ARHGAP6: variants seen among roughly 807,000 people sequenced by gnomAD.
ARHGAP6 encodes Rho GTPase activating protein 6.
In ARHGAP6, 16 loss-of-function variants were observed where a neutral mutation model predicts 55.7. The ratio of observed to expected loss-of-function variants is 0.29; its 90% confidence interval spans 0.19 to 0.44. The LOEUF (loss-of-function observed/expected upper bound fraction) is 0.44. ARHGAP6 is among the 20% of genes least tolerant of loss of function. The probability of loss-of-function intolerance (pLI) is 1.00; values close to 1 mark genes in which losing one functional copy is unlikely to be tolerated. For synonymous variants in ARHGAP6, 382 were observed against 360.9 expected, an observed-to-expected ratio of 1.06 and a Z score of -0.66; for missense variants, 698 against 808.9, an observed-to-expected ratio of 0.86 and a Z score of 1.66.
At chrX:11,360,738 G>C (rs893205163) in intron 1 of ARHGAP6, among the ~76,000 whole-genome samples, 188 of 111,140 alleles carry the variant, frequency 1.7e-3, no homozygotes, top group Non-Finnish European at 3.0e-3. Context: ...CAGACGACAC[G>C]ATTGTATATC....
At chrX:11,203,475 A>T (rs1240514507) in intron 2 of ARHGAP6, among the ~76,000 whole-genome samples, 1 of 111,767 alleles carries the variant, frequency 8.9e-6, no homozygotes, top group Non-Finnish European at 1.9e-5. Context: ...CACATTCTCC[A>T]GCCACTTCCA....
At chrX:11,299,060 C>G (rs891140193) in intron 1 of ARHGAP6, 10 of 1,053,033 alleles carry the variant, frequency 9.5e-6, no homozygotes, top group Non-Finnish European at 1.2e-5. Context: ...TCTCCGACAA[C>G]CAAGGATCTA....
chrX:11,582,537 A>G (rs1601668374), intron 1 of ARHGAP6, among the ~76,000 whole-genome samples: 1 of 112,054 alleles, frequency 8.9e-6, no homozygotes, highest in South Asian at 3.7e-4. Flanking sequence ...ATTTTCAGAA[A>G]TTCCTTGAAT....
chrX:11,448,916 C>T (rs770811969), intron 1 of ARHGAP6, among the ~76,000 whole-genome samples: 3 of 111,781 alleles, frequency 2.7e-5, no homozygotes, highest in Admixed American at 9.5e-5. Flanking sequence ...AAATGTCTCA[C>T]CTTCATCCAA....
chrX:11,360,457 C>A (rs2048994711), intron 1 of ARHGAP6, among the ~76,000 whole-genome samples: 1 of 109,315 alleles, frequency 9.1e-6, no homozygotes, highest in Non-Finnish European at 1.9e-5. Context: ...AATTCAACAA[C>A]CCCTCATGCC....
intron 1 of ARHGAP6, among the ~76,000 whole-genome samples, chrX:11,596,854 C>T (rs927032912): frequency 8.9e-6 from 1 of 111,910 alleles, no homozygotes; most frequent in African/African-American, 3.3e-5. Flanking sequence ...CTTCTTTCCC[C>T]ACCTGACCCA....
chrX:11,553,191 A>T (rs1400953915), intron 1 of ARHGAP6, among the ~76,000 whole-genome samples: 3 of 111,522 alleles, frequency 2.7e-5, no homozygotes, highest in Non-Finnish European at 5.6e-5. Context: ...ATCAGGCTTA[A>T]ATGTGTAGAA....
At chrX:11,415,622 C>T (rs2049737781) in intron 1 of ARHGAP6, among the ~76,000 whole-genome samples, 1 of 112,195 alleles carries the variant, frequency 8.9e-6, no homozygotes. Flanking sequence ...CATTTCCCCA[C>T]ACACTGAAGT....
chrX:11,661,159 C>G (rs1434479286), intron 1 of ARHGAP6, among the ~76,000 whole-genome samples: 2 of 112,626 alleles, frequency 1.8e-5, no homozygotes, highest in Non-Finnish European at 3.7e-5. Context: ...CAGCTCTGAT[C>G]CACAAGAATT....
At chrX:11,347,757 T>A (rs1393587690) in intron 1 of ARHGAP6, among the ~76,000 whole-genome samples, 1 of 111,921 alleles carries the variant, frequency 8.9e-6, no homozygotes, top group Non-Finnish European at 1.9e-5. Flanking sequence ...TAAGAGAACA[T>A]GTCCTTCCAC....
At chrX:11,356,120 G>T (rs1257721889) in intron 1 of ARHGAP6, among the ~76,000 whole-genome samples, 2 of 110,833 alleles carry the variant, frequency 1.8e-5, no homozygotes, top group African/African-American at 6.6e-5. Flanking sequence ...TTTGCTCCAG[G>T]GAGTTCAGGC....
At chrX:11,521,566 T>C (rs747552383) in intron 1 of ARHGAP6, among the ~76,000 whole-genome samples, 1 of 112,167 alleles carries the variant, frequency 8.9e-6, no homozygotes, top group South Asian at 3.7e-4. Flanking sequence ...TGTAGCCTTA[T>C]AGTGTAGTTT....
chrX:11,465,916 C>T (rs1004467324), intron 1 of ARHGAP6, among the ~76,000 whole-genome samples: 8 of 110,760 alleles, frequency 7.2e-5, no homozygotes, highest in Admixed American at 1.9e-4. Flanking sequence ...CTCATGCAGA[C>T]GAGTATGTCT....
At chrX:11,353,915 A>G (rs2048893717) in intron 1 of ARHGAP6, among the ~76,000 whole-genome samples, 1 of 111,180 alleles carries the variant, frequency 9.0e-6, no homozygotes, top group African/African-American at 3.3e-5. Context: ...TGACTACATC[A>G]GGCAAACTTT....
chrX:11,266,098 TGAGA>T (rs768420445), intron 1 of ARHGAP6: 1 of 207,439 alleles, frequency 4.8e-6, no homozygotes, highest in Non-Finnish European at 6.2e-6. Flanking sequence ...AGAGAGAGGG[TGAGA>T]GAGAGAGAGA....
intron 2 of ARHGAP6, among the ~76,000 whole-genome samples, chrX:11,212,448 T>C (rs945162560): frequency 1.8e-5 from 2 of 112,403 alleles, no homozygotes; most frequent in Non-Finnish European, 3.8e-5. Context: ...CTTTCAGAGA[T>C]TTTGTGAGGC....
At chrX:11,180,270 A>G (rs1321150836) in intron 6 of ARHGAP6, among the ~76,000 whole-genome samples, 2 of 111,337 alleles carry the variant, frequency 1.8e-5, no homozygotes, top group Non-Finnish European at 1.9e-5. Context: ...TTTCGTATGC[A>G]TTGTTCTCTG....
intron 1 of ARHGAP6, among the ~76,000 whole-genome samples, chrX:11,435,723 G>A (rs766561032): frequency 8.9e-6 from 1 of 112,083 alleles, no homozygotes; most frequent in Admixed American, 9.5e-5. Context: ...GACAAAGTCA[G>A]AAGCCATCCT....
At position 11,300,942 on chromosome X, in the gene ARHGAP6, T is replaced by G. The variant is rs767687974; in HGVS notation, c.589-46235A>C. On this transcript the variant is annotated intron_variant, in intron 1 of 12. Coordinates refer to ENST00000337414, the MANE Select transcript of ARHGAP6 (RefSeq NM_013427.3). ...ATTTAAATTATACTGTCTCAAATCT[T>G]TTTTAAAAAACAAAGTTTATACATC... Among the ~76,000 whole-genome samples, 47 of 112,103 alleles carry G rather than the reference T, an allele frequency of 4.2e-4. No homozygotes were observed. The South Asian group carries it at 4.4e-3, about 11-fold the overall frequency.
Sources: allele counts gnomAD v4.1 joint callset (sites outside exome capture counted in the v4.1 genomes callset), GRCh38; gene constraint gnomAD v4.1.1; transcripts MANE v1.5; gene names NCBI Gene and HGNC (gene_info 2026-07-23, HGNC 2026-07-21).